PEX7: variants seen among roughly 807,000 people sequenced by gnomAD.
The protein encoded by PEX7 is peroxisomal biogenesis factor 7.
Under a neutral mutation model 47.5 loss-of-function variants are expected in PEX7, and 34 were observed. The observed-to-expected ratio is 0.72, with a 90% CI of 0.54 to 0.95. PEX7 has a LOEUF of 0.95. Ranked by LOEUF, PEX7 falls within the 40% of genes least tolerant of loss-of-function variation. The pLI is 0.00. For synonymous variants in PEX7, 141 were observed against 148.8 expected, an observed-to-expected ratio of 0.95 and a Z score of 0.38; for missense variants, 394 against 400.3, an observed-to-expected ratio of 0.98 and a Z score of 0.13.
At chr6:136,855,149 G>A (rs534150488) in intron 5 of PEX7, among the ~76,000 whole-genome samples, 32 of 151,390 alleles carry the variant, frequency 2.1e-4, no homozygotes, top group Non-Finnish European at 3.7e-4. Flanking sequence ...CTTACCTGCT[G>A]GGAGCTCTAA....
At chr6:136,901,252 C>T (rs1760543022) in intron 9 of PEX7, 2 of 152,274 alleles carry the variant, frequency 1.3e-5, no homozygotes, top group South Asian at 4.1e-4. Context: ...ACATGTATCT[C>T]CATGTTTTTC....
At chr6:136,837,361 CAA>C (rs58922622) in intron 3 of PEX7, among the ~76,000 whole-genome samples, 13 of 83,424 alleles carry the variant, frequency 1.6e-4, no homozygotes, top group Admixed American at 3.2e-4. Context: ...GAGTCTGTCA[CAA>C]AAAAAAAAAA....
At chr6:136,832,967 C>T (rs1774321392) in intron 3 of PEX7, among the ~76,000 whole-genome samples, 2 of 152,190 alleles carry the variant, frequency 1.3e-5, no homozygotes, top group South Asian at 4.1e-4. Context: ...TTCTTCTGAG[C>T]CCTCACACTG....
At chr6:136,846,288 A>G (rs147419380) in intron 5 of PEX7, 107 bp downstream of exon 5, 2 of 569,730 alleles carry the variant, frequency 3.5e-6, no homozygotes, top group Non-Finnish European at 3.2e-6. Context: ...AAACAGGAGA[A>G]TATTACTATT....
chr6:136,894,088 G>A lies in PEX7; in HGVS notation c.804-4054G>A, dbSNP rs554631565. On this transcript the variant is annotated intron_variant, in intron 8 of 9. Coordinates refer to ENST00000318471, the MANE Select transcript of PEX7 (RefSeq NM_000288.4). Reference sequence around the variant, plus strand: ...TACCCACCTGTAGTCCCAGCTATTTGGGAGGGTGGAGTGGGGAGATTGCTT... The same window carrying A: ...TACCCACCTGTAGTCCCAGCTATTTAGGAGGGTGGAGTGGGGAGATTGCTT... Among the ~76,000 whole-genome samples the A allele has an allele frequency of 1.7e-4, 26 of 152,298 alleles. No individual in the cohort carries two copies. The South Asian group carries it at 4.8e-3, about 28-fold the overall frequency.
intron 9 of PEX7, among the ~76,000 whole-genome samples, chr6:136,901,786 T>G (rs951585546): frequency 6.6e-6 from 1 of 152,188 alleles, no homozygotes; most frequent in African/African-American, 2.4e-5. Context: ...TAAGTTTTAT[T>G]TTTGTTTGTT....
intron 3 of PEX7, among the ~76,000 whole-genome samples, chr6:136,844,616 A>G (rs1774561743): frequency 6.6e-6 from 1 of 152,160 alleles, no homozygotes; most frequent in Non-Finnish European, 1.5e-5. Context: ...TCATCTTATA[A>G]CTAAAAGTTT....
At chr6:136,897,113 T>A (rs1775665329) in intron 8 of PEX7, among the ~76,000 whole-genome samples, 1 of 152,218 alleles carries the variant, frequency 6.6e-6, no homozygotes, top group African/African-American at 2.4e-5. Context: ...ACACAGTGGA[T>A]TATCCATAGC....
chr6:136,892,066 T>A (rs1206023435), intron 8 of PEX7, among the ~76,000 whole-genome samples: 1 of 152,056 alleles, frequency 6.6e-6, no homozygotes, highest in African/African-American at 2.4e-5. Context: ...GATACATAAG[T>A]TAGAAAGAGA....
chr6:136,896,409 A>G (rs1166897663), intron 8 of PEX7, among the ~76,000 whole-genome samples: 2 of 152,212 alleles, frequency 1.3e-5, no homozygotes, highest in Non-Finnish European at 2.9e-5. Context: ...GCAGCAGCTG[A>G]CAAAGCATCT....
intron 5 of PEX7, among the ~76,000 whole-genome samples, chr6:136,849,857 T>C (rs1774707552): frequency 6.6e-6 from 1 of 152,190 alleles, no homozygotes; most frequent in African/African-American, 2.4e-5. Flanking sequence ...GTTCTGTAGA[T>C]GTCTGTTAGG....
chr6:136,898,577 T>C (rs1330802020), intron 9 of PEX7, among the ~76,000 whole-genome samples: 1 of 152,136 alleles, frequency 6.6e-6, no homozygotes, highest in African/African-American at 2.4e-5. Context: ...GTCAGGAGCA[T>C]GTGGTCCTGA....
Position 136,832,901 on chromosome 6 carries a change from TC to T in PEX7, c.339+6433del, listed in dbSNP as rs763615409. ...GTTCATATCACTATTAGCATTTTGT[TC>T]AGAACCATTTAAGAAGTCTTTAAGA... On this transcript the variant is annotated intron_variant, in intron 3 of 9. Transcript: ENST00000318471. Among the ~76,000 whole-genome samples the T allele has an allele frequency of 2.8e-4, 43 of 152,336 alleles. No individual in the cohort carries two copies. The Middle Eastern group carries it at 0.01, about 36-fold the overall frequency.
chr6:136,854,888 C>A (rs1334049285), intron 5 of PEX7, among the ~76,000 whole-genome samples: 1 of 151,896 alleles, frequency 6.6e-6, no homozygotes, highest in Non-Finnish European at 1.5e-5. Context: ...GAGTTTGAGA[C>A]CAGCCTGGCC....
chr6:136,835,170 C>T (rs1337622270), intron 3 of PEX7, among the ~76,000 whole-genome samples: 1 of 151,904 alleles, frequency 6.6e-6, no homozygotes, highest in African/African-American at 2.4e-5. Flanking sequence ...GGTGTTCTGG[C>T]CGCCTCAGCC....
At chr6:136,863,286 T>A (rs1293473826) in intron 5 of PEX7, among the ~76,000 whole-genome samples, 1 of 152,174 alleles carries the variant, frequency 6.6e-6, no homozygotes, top group African/African-American at 2.4e-5. Context: ...GCCTGTCAGC[T>A]GTGGTCTGAG....
intron 5 of PEX7, among the ~76,000 whole-genome samples, chr6:136,861,716 C>G (rs1221654135): frequency 6.6e-6 from 1 of 151,568 alleles, no homozygotes; most frequent in Non-Finnish European, 1.5e-5. Flanking sequence ...TGTTAAAAAG[C>G]ATACTCCAGA....
At chr6:136,823,110 G>A in intron 1 of PEX7, 4 of 985,446 alleles carry the variant, frequency 4.1e-6, no homozygotes, top group Non-Finnish European at 4.8e-6. Flanking sequence ...TCCCCGTAGG[G>A]AGAGCCGGGG....
At chr6:136,867,182 T>G (rs771974169) in intron 6 of PEX7, among the ~76,000 whole-genome samples, 5 of 152,222 alleles carry the variant, frequency 3.3e-5, no homozygotes, top group Non-Finnish European at 7.3e-5. Flanking sequence ...TTTTCATGCC[T>G]CTGTAAGATA....
Sources: gnomAD v4.1 joint callset for allele counts (sites outside exome capture counted in the v4.1 genomes callset) on GRCh38, gnomAD v4.1.1 for gene constraint, MANE v1.5 for transcripts, NCBI Gene and HGNC (gene_info 2026-07-23, HGNC 2026-07-21) for gene names.